Variants in NKAIN2 observed in about 807,000 individuals in gnomAD.
The protein encoded by NKAIN2 is sodium/potassium-transporting ATPase subunit beta-1-interacting protein 2.
In NKAIN2, 14 loss-of-function variants were observed where a neutral mutation model predicts 32.6. That is an observed-to-expected ratio of 0.43 (90% CI 0.28 to 0.67). The LOEUF is 0.67. NKAIN2 is among the 30% of genes least tolerant of loss of function. The pLI is 0.17. For missense variants in NKAIN2, 198 were observed against 258.3 expected, an observed-to-expected ratio of 0.77 and a Z score of 1.60; for synonymous variants, 80 against 87.2, an observed-to-expected ratio of 0.92 and a Z score of 0.46.
rs62435579 is a variant in NKAIN2 at position 123,911,816 on chromosome 6, C to A, written c.54+107562C>A. ...ATATATATATGTATATATATATACA[C>A]ACACACACACACACACACACACACA... On this transcript the variant is annotated intron_variant, in intron 1 of 6. Coordinates refer to ENST00000368417, the MANE Select transcript of NKAIN2 (RefSeq NM_001040214.3). Among the ~76,000 whole-genome samples the A allele has an allele frequency of 2.9e-3, 224 of 76,038 alleles. 26 individuals are homozygous for A. Among genetic ancestry groups the A allele is most frequent in the African/African-American group, 0.014 (191 of 13,518 alleles). The allele number at this position is 76,038 out of a possible 152,430, so 49.9% of individuals were successfully genotyped here.
intron 1 of NKAIN2, among the ~76,000 whole-genome samples, chr6:124,039,398 TTA>T (rs922948262): frequency 6.6e-5 from 10 of 151,858 alleles, no homozygotes; most frequent in Admixed American, 6.6e-5. Flanking sequence ...TTATATATAT[TTA>T]TATATATGTC....
chr6:124,693,520 GGTAGGTAGTGTTATC>G (rs1774357216), intron 4 of NKAIN2, among the ~76,000 whole-genome samples: 1 of 152,150 alleles, frequency 6.6e-6, no homozygotes, highest in Non-Finnish European at 1.5e-5. Context: ...AAGGTGATGT[GGTAGGTAGTGTTATC>G]GAAAAAAGCC....
chr6:124,244,912 T>A (rs974172291), intron 1 of NKAIN2, among the ~76,000 whole-genome samples: 7 of 152,134 alleles, frequency 4.6e-5, no homozygotes, highest in Non-Finnish European at 7.4e-5. Context: ...ACCATGGTTA[T>A]CTCAAAAATA....
chr6:124,319,085 T>C lies in NKAIN2; in HGVS notation c.192+35943T>C, dbSNP rs868000939. ...GCCTATGTGCCCCACTGAGATAGGA[T>C]GCAAAGATAAAGTTGCGGTCTCTCC... On this transcript the variant is annotated intron_variant, in intron 2 of 6. Coordinates refer to ENST00000368417, the MANE Select transcript of NKAIN2 (RefSeq NM_001040214.3). Among the ~76,000 whole-genome samples, 8 of 152,070 alleles carry C rather than the reference T, an allele frequency of 5.3e-5. No homozygotes were observed. The South Asian group carries it at 1.0e-3, about 20-fold the overall frequency.
intron 3 of NKAIN2, among the ~76,000 whole-genome samples, chr6:124,372,957 T>G (rs1728991064): frequency 6.6e-6 from 1 of 152,154 alleles, no homozygotes; most frequent in Non-Finnish European, 1.5e-5. Context: ...TAAGGAAACA[T>G]TGAAAAACAT....
At chr6:123,866,291 A>T (rs1772508349) in intron 1 of NKAIN2, among the ~76,000 whole-genome samples, 1 of 151,908 alleles carries the variant, frequency 6.6e-6, no homozygotes, top group African/African-American at 2.4e-5. Context: ...TGACAGCCAC[A>T]TTTCTTAAAA....
In NKAIN2 at chr6:124,809,171, C is replaced by T. The variant is rs1463889469; in HGVS notation, c.536-9216C>T. On this transcript the variant is annotated intron_variant, in intron 5 of 6. Coordinates refer to ENST00000368417, the MANE Select transcript of NKAIN2 (RefSeq NM_001040214.3). ...TGGAACCAAAAAAGAGCCTGCATCG[C>T]CAAGTCAATCCTAAGCCAAAAGAAC... 2.0e-5 allele frequency among the ~76,000 whole-genome samples: 3 copies of T among 152,172 alleles called. No individual in the cohort carries two copies. In the East Asian group the frequency reaches 5.8e-4, roughly 29 times the overall value.
chr6:124,746,308 A>T (rs963059146), intron 4 of NKAIN2, among the ~76,000 whole-genome samples: 1 of 151,958 alleles, frequency 6.6e-6, no homozygotes, highest in African/African-American at 2.4e-5. Context: ...TAAGTAAGGA[A>T]CATTTTAAAT....
intron 3 of NKAIN2, among the ~76,000 whole-genome samples, chr6:124,486,633 G>A (rs1353806319): frequency 2.0e-5 from 3 of 152,086 alleles, no homozygotes; most frequent in African/African-American, 7.2e-5. Context: ...GATGTTTTAT[G>A]TTACTACAAT....
intron 3 of NKAIN2, among the ~76,000 whole-genome samples, chr6:124,530,356 C>T (rs962647818): frequency 2.6e-5 from 4 of 152,008 alleles, no homozygotes; most frequent in African/African-American, 7.2e-5. Context: ...AGTGAATCAC[C>T]ATAAAGGCCT....
chr6:124,683,412 A>C (rs1232406594), intron 4 of NKAIN2, among the ~76,000 whole-genome samples: 1 of 152,138 alleles, frequency 6.6e-6, no homozygotes, highest in Non-Finnish European at 1.5e-5. Context: ...TTCCTACATT[A>C]TTTCTCTGCT....
intron 1 of NKAIN2, among the ~76,000 whole-genome samples, chr6:124,200,298 A>G (rs1298969306): frequency 6.6e-6 from 1 of 152,092 alleles, no homozygotes; most frequent in Non-Finnish European, 1.5e-5. Context: ...ATAACAGCAT[A>G]AATATTTAAA....
At chr6:124,717,455 T>G (rs1226910195) in intron 4 of NKAIN2, among the ~76,000 whole-genome samples, 4 of 152,218 alleles carry the variant, frequency 2.6e-5, no homozygotes, top group Non-Finnish European at 4.4e-5. Context: ...CAGTGGGATT[T>G]CTGGTCATAT....
chr6:124,292,390 T>C (rs1795854765), intron 2 of NKAIN2, among the ~76,000 whole-genome samples: 1 of 152,196 alleles, frequency 6.6e-6, no homozygotes, highest in Non-Finnish European at 1.5e-5. Flanking sequence ...TTGTTGCTAA[T>C]GTTTTATTAC....
intron 4 of NKAIN2, among the ~76,000 whole-genome samples, chr6:124,735,345 A>G: frequency 6.6e-6 from 1 of 151,958 alleles, no homozygotes; most frequent in East Asian, 1.9e-4. Context: ...GATAATCATA[A>G]TCACTCATCA....
chr6:124,074,550 A>G, intron 1 of NKAIN2, among the ~76,000 whole-genome samples: 1 of 152,154 alleles, frequency 6.6e-6, no homozygotes, highest in East Asian at 1.9e-4. Context: ...AGGGCCTTGG[A>G]AGGGCTGTGC....
At chr6:124,356,213 T>TA (rs1033134939) in intron 3 of NKAIN2, among the ~76,000 whole-genome samples, 15 of 152,176 alleles carry the variant, frequency 9.9e-5, no homozygotes, top group East Asian at 3.9e-4. Flanking sequence ...CCAAGAGAGC[T>TA]AAAAAAAATT....
At chr6:124,163,001 G>C (rs534640241) in intron 1 of NKAIN2, among the ~76,000 whole-genome samples, 3 of 152,006 alleles carry the variant, frequency 2.0e-5, no homozygotes, top group African/African-American at 7.2e-5. Flanking sequence ...CTTATTTTCT[G>C]ATTCTACCCT....
chr6:124,643,067 A>G (rs1784048582), intron 3 of NKAIN2, among the ~76,000 whole-genome samples: 1 of 152,146 alleles, frequency 6.6e-6, no homozygotes, highest in Non-Finnish European at 1.5e-5. Context: ...TACTGGTTGC[A>G]CCACATATCT....
Sources: gnomAD v4.1 joint callset for allele counts (sites outside exome capture counted in the v4.1 genomes callset) on GRCh38, gnomAD v4.1.1 for gene constraint, MANE v1.5 for transcripts, NCBI Gene and HGNC (gene_info 2026-07-23, HGNC 2026-07-21) for gene names.